SCMH1: variants seen among roughly 807,000 people sequenced by gnomAD.
SCMH1 encodes Scm polycomb group protein homolog 1.
In SCMH1, 37 loss-of-function variants were observed where a neutral mutation model predicts 70.8. The observed-to-expected ratio is 0.52, with a 90% CI of 0.40 to 0.69. The LOEUF (loss-of-function observed/expected upper bound fraction) is 0.69, where lower values mean the gene tolerates loss of function less well. Among genes scored for constraint, SCMH1 ranks in the 30% least tolerant of loss-of-function variants. The probability of loss-of-function intolerance (pLI) is 0.00; values close to 1 mark genes in which losing one functional copy is unlikely to be tolerated. For synonymous variants in SCMH1, 292 were observed against 307.4 expected, an observed-to-expected ratio of 0.95 and a Z score of 0.52; for missense variants, 607 against 827.3, an observed-to-expected ratio of 0.73 and a Z score of 3.27.
rs531700675 is a variant in SCMH1 at position 41,208,211 on chromosome 1, G to A, written c.-117-21961C>T. On this transcript the variant is annotated intron_variant, in intron 1 of 14. Transcript: ENST00000337495. ...AAACACCGCATATTCTCACTCATAG[G>A]TGGGAATTGAACAATGAGATCACAT... is the stretch of plus-strand genomic sequence containing the variant. Among the ~76,000 whole-genome samples the A allele has an allele frequency of 4.1e-3, 452 of 110,300 alleles. 1 individual carries two copies. Among genetic ancestry groups the A allele is most frequent in the Non-Finnish European group, 6.7e-3 (365 of 54,128 alleles). The allele number at this position is 110,300 out of a possible 152,430, so 72.4% of individuals were successfully genotyped here.
chr1:41,162,196 A>C (rs186966342), intron 2 of SCMH1, among the ~76,000 whole-genome samples: 2 of 151,740 alleles, frequency 1.3e-5, no homozygotes, highest in Middle Eastern at 6.8e-3. Context: ...TCCAGCCAGG[A>C]CCCCTCTTCC....
At chr1:41,045,022 T>C (rs545538397) in intron 12 of SCMH1, among the ~76,000 whole-genome samples, 1 of 152,314 alleles carries the variant, frequency 6.6e-6, no homozygotes, top group African/African-American at 2.4e-5. Context: ...CCCCCATTCA[T>C]GCATCCATTC....
At chr1:41,027,970 G>T in exon 15 of SCMH1, 1 of 568,978 alleles carries the variant, frequency 1.8e-6, no homozygotes, top group South Asian at 2.3e-5. Context: ...GCAGAGCTGA[G>T]GGAAGAGCAG....
intron 2 of SCMH1, among the ~76,000 whole-genome samples, chr1:41,171,064 A>G (rs928067158): frequency 6.6e-6 from 1 of 152,252 alleles, no homozygotes. Context: ...CATAGAAATT[A>G]TGCATAAGTT....
chr1:41,156,776 A>C (rs892419895), intron 4 of SCMH1, among the ~76,000 whole-genome samples: 4 of 151,966 alleles, frequency 2.6e-5, no homozygotes, highest in Admixed American at 2.6e-4. Flanking sequence ...AAGAGCATGC[A>C]TAGTTTAGAT....
At chr1:41,234,142 A>C (rs2148917970) in intron 1 of SCMH1, among the ~76,000 whole-genome samples, 1 of 152,008 alleles carries the variant, frequency 6.6e-6, no homozygotes, top group South Asian at 2.1e-4. Context: ...AATCTTTAAG[A>C]TTCAGTTTAG....
chr1:41,111,942 T>A (rs1438262875), intron 8 of SCMH1, among the ~76,000 whole-genome samples: 1 of 152,222 alleles, frequency 6.6e-6, no homozygotes, highest in Non-Finnish European at 1.5e-5. Flanking sequence ...TTCATGGATG[T>A]ATATAGATGT....
intron 1 of SCMH1, among the ~76,000 whole-genome samples, chr1:41,225,125 T>C (rs111602721): frequency 7.9e-5 from 12 of 152,320 alleles, no homozygotes; most frequent in Admixed American, 2.0e-4. Flanking sequence ...CAAAACAATT[T>C]CATTAATAAT....
At chr1:41,134,374 A>G (rs1282472939) in intron 6 of SCMH1, among the ~76,000 whole-genome samples, 1 of 152,254 alleles carries the variant, frequency 6.6e-6, no homozygotes, top group African/African-American at 2.4e-5. Flanking sequence ...AAACTGGCAC[A>G]AGACAAGGAT....
intron 1 of SCMH1, among the ~76,000 whole-genome samples, chr1:41,213,438 T>C (rs1657461254): frequency 6.6e-6 from 1 of 152,144 alleles, no homozygotes; most frequent in African/African-American, 2.4e-5. Flanking sequence ...GAAGGTAACC[T>C]TCACCTTCCT....
In SCMH1 at chr1:41,240,626, C is replaced by T. The variant is rs144599824; in HGVS notation, c.-118+1433G>A. ...CACTTCAACAAAACATTTTGATGTA[C>T]ATTAGTTAGCAACATTTGATAAAGT... On this transcript the variant is annotated intron_variant, in intron 1 of 14. Transcript: ENST00000337495. Among the ~76,000 whole-genome samples the T allele has an allele frequency of 2.7e-4, 41 of 150,876 alleles. No homozygotes were observed. In the East Asian group the frequency reaches 7.4e-3, roughly 27 times the overall value.
chr1:41,027,775 T>G, exon 15 of SCMH1: 1 of 170,866 alleles, frequency 5.9e-6, no homozygotes, highest in Non-Finnish European at 1.2e-5. Context: ...AGGTAGAGGT[T>G]TGCACCACGA....
rs1644492498 is a variant in SCMH1, at chr1:41,031,347, A to C, written c.1679-2621T>G. Among the ~76,000 whole-genome samples the C allele has an allele frequency of 2.6e-5, 4 of 151,710 alleles. No homozygotes were observed. In the South Asian group the frequency reaches 8.3e-4, roughly 32 times the overall value. On this transcript the variant is annotated intron_variant, in intron 13 of 14. Transcript: ENST00000337495. ...TCCCCCACCGCCACCACACACACAC[A>C]CCTGTTAAAGTAAAAGGGCCTAATA...
intron 5 of SCMH1, among the ~76,000 whole-genome samples, chr1:41,144,763 C>A (rs1237617273): frequency 6.6e-6 from 1 of 152,044 alleles, no homozygotes; most frequent in Non-Finnish European, 1.5e-5. Context: ...CCAACACTTG[C>A]CATTGTTTGT....
intron 10 of SCMH1, among the ~76,000 whole-genome samples, chr1:41,060,761 C>T (rs757772107): frequency 3.3e-4 from 50 of 152,180 alleles, no homozygotes; most frequent in Admixed American, 9.8e-4. Context: ...CCTCCTGCCT[C>T]AGCCTCCTGA....
At chr1:41,097,769 T>C (rs1665487606) in intron 8 of SCMH1, among the ~76,000 whole-genome samples, 1 of 152,236 alleles carries the variant, frequency 6.6e-6, no homozygotes, top group South Asian at 2.1e-4. Flanking sequence ...CATCATTACC[T>C]CTATTCCTTA....
rs865939743 is a variant in SCMH1, at chr1:41,161,375, G to C, written c.71C>G (p.Ser24Cys). 5.8e-6 allele frequency: 9 copies of C among 1,550,476 alleles called. No homozygotes were observed. In the Middle Eastern group the frequency reaches 8.4e-4, roughly 144 times the overall value. Residue 24 changes from serine to cysteine, a missense_variant, in exon 3 of 15, where the codon TCC (serine) becomes TGC (cysteine). Ser to Cys is a moderately radical substitution (Grantham distance 112, BLOSUM62 -1). Transcript: ENST00000337495. Reference sequence around the variant, plus strand: ...TTTTTCCCCCTTACCTTGATATTGGGATGCAGACTCTGATAGGTGACCATA... The same window carrying C: ...TTTTTCCCCCTTACCTTGATATTGGCATGCAGACTCTGATAGGTGACCATA...
chr1:41,227,191 A>G (rs920863169), intron 1 of SCMH1, among the ~76,000 whole-genome samples: 1 of 152,188 alleles, frequency 6.6e-6, no homozygotes, highest in Non-Finnish European at 1.5e-5. Context: ...CCCCTAGCTA[A>G]GTTCCAGTCA....
exon 13 of SCMH1, chr1:41,037,483 T>C (rs370885606): frequency 1.2e-6 from 2 of 1,614,082 alleles, no homozygotes; most frequent in African/African-American, 2.7e-5. Context: ...CAGAGTCCAT[T>C]GAGTCTGAGT....
Sources: allele counts gnomAD v4.1 joint callset (sites outside exome capture counted in the v4.1 genomes callset), GRCh38; gene constraint gnomAD v4.1.1; transcripts MANE v1.5; gene names NCBI Gene and HGNC (gene_info 2026-07-23, HGNC 2026-07-21).